PRKN: variants seen among roughly 807,000 people sequenced by gnomAD.
The protein encoded by PRKN is E3 ubiquitin-protein ligase parkin.
A neutral mutation model predicts 59.5 loss-of-function variants in PRKN; 56 were observed. The observed-to-expected ratio is 0.94, with a 90% CI of 0.76 to 1.18. The LOEUF is 1.18. Ranked by LOEUF, PRKN falls within the 50% of genes most tolerant of loss-of-function variation. PRKN has a pLI of 0.00. For missense variants in PRKN, 657 were observed against 596.4 expected (o/e 1.10, Z -1.06); for synonymous variants, 250 against 222.1 (o/e 1.13, Z -1.12).
At chr6:162,579,844 T>C (rs1176387359) in intron 1 of PRKN, among the ~76,000 whole-genome samples, 5 of 152,182 alleles carry the variant, frequency 3.3e-5, no homozygotes, top group Admixed American at 6.5e-5. Flanking sequence ...TGTTGACATG[T>C]CTTTCTTCTC....
chr6:162,058,624 G>A (rs1178203247), intron 4 of PRKN, among the ~76,000 whole-genome samples: 1 of 152,146 alleles, frequency 6.6e-6, no homozygotes, highest in East Asian at 1.9e-4. Flanking sequence ...CACATGCAAT[G>A]GTCAATAACA....
intron 7 of PRKN, among the ~76,000 whole-genome samples, chr6:161,632,381 GTAAC>G (rs1466017830): frequency 6.6e-6 from 1 of 152,180 alleles, no homozygotes; most frequent in African/African-American, 2.4e-5. Flanking sequence ...TAAAATATCT[GTAAC>G]TATAGTGTAA....
chr6:162,423,659 A>G (rs1789086363), intron 2 of PRKN, among the ~76,000 whole-genome samples: 1 of 152,168 alleles, frequency 6.6e-6, no homozygotes, highest in African/African-American at 2.4e-5. Context: ...CTTACCACTT[A>G]GAGGTGAATT....
chr6:161,794,023 G>A (rs988839427), intron 6 of PRKN, among the ~76,000 whole-genome samples: 13 of 151,972 alleles, frequency 8.6e-5, no homozygotes, highest in African/African-American at 3.1e-4. Context: ...GGCACTCTGT[G>A]GACCCTCCTG....
intron 2 of PRKN, among the ~76,000 whole-genome samples, chr6:162,406,637 G>T (rs752998432): frequency 6.6e-6 from 1 of 152,148 alleles, no homozygotes; most frequent in Non-Finnish European, 1.5e-5. Flanking sequence ...AACACAGACT[G>T]AGGTCAAGAG....
In PRKN at chr6:161,445,556, T is replaced by C. The variant is rs574193249; in HGVS notation, c.1084-58679A>G. Among the ~76,000 whole-genome samples, 3 of 152,346 alleles carry C rather than the reference T, an allele frequency of 2.0e-5. No homozygotes were observed. Among genetic ancestry groups the C allele is most frequent in the South Asian group, 4.1e-4 (2 of 4,826 alleles). Reference sequence around the variant, plus strand: ...GACTTCAAGGCATCGAAGTGTCAGCTGGCTGCCATCCCAGCGTCTGACAGG... The same window carrying C: ...GACTTCAAGGCATCGAAGTGTCAGCCGGCTGCCATCCCAGCGTCTGACAGG... On this transcript the variant is annotated intron_variant, in intron 9 of 11. Transcript: ENST00000366898. The surrounding 1 kb of genome is among the most constrained non-coding windows in gnomAD (Gnocchi z 7.7).
chr6:162,599,997 T>C (rs1444707231), intron 1 of PRKN, among the ~76,000 whole-genome samples: 1 of 152,214 alleles, frequency 6.6e-6, no homozygotes, highest in African/African-American at 2.4e-5. Context: ...TAATTGATGT[T>C]TCATTTATGT....
intron 7 of PRKN, among the ~76,000 whole-genome samples, chr6:161,743,165 T>C (rs1788258484): frequency 6.7e-6 from 1 of 149,600 alleles, no homozygotes; most frequent in Non-Finnish European, 1.5e-5. Context: ...CCTGCTGTTC[T>C]GCCCTGGCAC....
chr6:162,620,186 C>T (rs1782606716), intron 1 of PRKN, among the ~76,000 whole-genome samples: 1 of 152,048 alleles, frequency 6.6e-6, no homozygotes, highest in Admixed American at 6.6e-5. Flanking sequence ...ACTTTTATCT[C>T]CTCAACAGGT....
At chr6:162,291,128 C>T (rs1202115639) in intron 2 of PRKN, among the ~76,000 whole-genome samples, 1 of 152,016 alleles carries the variant, frequency 6.6e-6, no homozygotes, top group Non-Finnish European at 1.5e-5. Context: ...ATCTGAGAAT[C>T]CCAAGGGTAG....
intron 4 of PRKN, among the ~76,000 whole-genome samples, chr6:162,134,573 G>A (rs940679311): frequency 3.3e-5 from 5 of 152,128 alleles, no homozygotes; most frequent in African/African-American, 1.2e-4. Flanking sequence ...TAGAATGTCT[G>A]AGTAGGAATA....
At chr6:162,076,965 T>A (rs899257427) in intron 4 of PRKN, among the ~76,000 whole-genome samples, 3 of 152,074 alleles carry the variant, frequency 2.0e-5, no homozygotes, top group Non-Finnish European at 2.9e-5. Context: ...GCAACTCCCA[T>A]CTTCTTCACT....
intron 1 of PRKN, among the ~76,000 whole-genome samples, chr6:162,715,474 GATTAT>G (rs1263277584): frequency 3.3e-5 from 5 of 152,182 alleles, no homozygotes; most frequent in Non-Finnish European, 7.4e-5. Flanking sequence ...TGTTTCTTCT[GATTAT>G]ATTAAAGTAC....
intron 9 of PRKN, among the ~76,000 whole-genome samples, chr6:161,441,085 G>C (rs545241633): frequency 4.2e-4 from 64 of 152,252 alleles, no homozygotes; most frequent in South Asian, 6.2e-4. Context: ...GGGGTTCTGG[G>C]GGGTTAGTCA....
intron 7 of PRKN, among the ~76,000 whole-genome samples, chr6:161,653,780 G>C (rs979851383): frequency 6.6e-6 from 1 of 152,174 alleles, no homozygotes; most frequent in Non-Finnish European, 1.5e-5. Context: ...GCACATTTAA[G>C]GGTAAGATTC....
At position 162,582,637 on chromosome 6, in the gene PRKN, T is replaced by G. The variant is rs74617131; in HGVS notation, c.8-139164A>C. Among the ~76,000 whole-genome samples the G allele has an allele frequency of 2.8e-3, 430 of 152,320 alleles. 8 individuals carry two copies. Among genetic ancestry groups the G allele is most frequent in the Admixed American group, 0.021 (322 of 15,282 alleles). On this transcript the variant is annotated intron_variant, in intron 1 of 11. Transcript: ENST00000366898. Reference sequence around the variant, plus strand: ...CCAAGCTCTTAAACTCAGCTCTCTTTGCATTTTAATGAACAGAGTCCAAGT... The same window carrying G: ...CCAAGCTCTTAAACTCAGCTCTCTTGGCATTTTAATGAACAGAGTCCAAGT...
intron 7 of PRKN, among the ~76,000 whole-genome samples, chr6:161,733,806 A>ATATG (rs1787846353): frequency 7.0e-6 from 1 of 142,202 alleles, no homozygotes; most frequent in African/African-American, 2.6e-5. Context: ...ATGTATATAT[A>ATATG]TATATATATA....
rs184522003 is a variant in PRKN at position 161,726,733 on chromosome 6, A to G, written c.871+59039T>C. 8.9e-4 allele frequency among the ~76,000 whole-genome samples: 136 copies of G among 152,362 alleles called. 1 individual carries two copies. Among genetic ancestry groups the G allele is most frequent in the African/African-American group, 3.2e-3 (132 of 41,584 alleles). ...CAAAGATAATGATAATAAACATGGA[A>G]GAAAAAAAGAGATAGATGCCTGATA... On this transcript the variant is annotated intron_variant, in intron 7 of 11. Coordinates refer to ENST00000366898, the MANE Select transcript of PRKN (RefSeq NM_004562.3).
intron 8 of PRKN, among the ~76,000 whole-genome samples, chr6:161,555,156 G>GT (rs940917576): frequency 1.3e-5 from 2 of 151,830 alleles, no homozygotes; most frequent in African/African-American, 4.8e-5. Context: ...TCTTATTTGT[G>GT]TTTTTTAGAA....
Sources: gnomAD v4.1 joint callset for allele counts (sites outside exome capture counted in the v4.1 genomes callset) on GRCh38, gnomAD v4.1.1 for gene constraint, Gnocchi (gnomAD v3.1) non-coding constraint, MANE v1.5 for transcripts, NCBI Gene and HGNC (gene_info 2026-07-23, HGNC 2026-07-21) for gene names.